ADGRB3: variants seen among roughly 807,000 people sequenced by gnomAD.
ADGRB3 encodes the protein brain-specific angiogenesis inhibitor 3.
A neutral mutation model predicts 193.4 loss-of-function variants in ADGRB3; 37 were observed. That is an observed-to-expected ratio of 0.19 (90% CI 0.15 to 0.25). ADGRB3 has a LOEUF of 0.25. ADGRB3 is among the 10% of genes least tolerant of loss of function. The pLI is 1.00. For synonymous variants in ADGRB3, 690 were observed against 644.2 expected, an observed-to-expected ratio of 1.07 and a Z score of -1.08; for missense variants, 1,637 against 1,852.9, an observed-to-expected ratio of 0.88 and a Z score of 2.14.
rs548557974 is a variant in ADGRB3 at position 68,926,281 on chromosome 6, A to G, written c.758-4278A>G. ...TCTGCTAGGAAGAGTAAGACAATCT[A>G]ATAATTATAATGAAAGTCCATTTTT... On this transcript the variant is annotated intron_variant, in intron 3 of 31. Coordinates refer to ENST00000370598, the MANE Select transcript of ADGRB3 (RefSeq NM_001704.3). Among the ~76,000 whole-genome samples the G allele has an allele frequency of 1.4e-4, 22 of 152,248 alleles. No homozygotes were observed. In the South Asian group the frequency reaches 3.3e-3, roughly 23 times the overall value.
At chr6:69,331,313 C>T (rs949211044) in intron 23 of ADGRB3, among the ~76,000 whole-genome samples, 2 of 152,210 alleles carry the variant, frequency 1.3e-5, no homozygotes, top group South Asian at 4.1e-4. Context: ...TTCTCTTTCT[C>T]CTTTTGGATT....
chr6:69,011,595 A>G (rs1720895945), intron 11 of ADGRB3, among the ~76,000 whole-genome samples: 1 of 152,088 alleles, frequency 6.6e-6, no homozygotes, highest in Non-Finnish European at 1.5e-5. Context: ...CAATAAACCC[A>G]GGTAACACAC....
At chr6:68,793,818 C>T (rs1767154320) in intron 3 of ADGRB3, among the ~76,000 whole-genome samples, 1 of 152,136 alleles carries the variant, frequency 6.6e-6, no homozygotes, top group South Asian at 2.1e-4. Flanking sequence ...CATAAGCCAC[C>T]ACGCCCAGCG....
At chr6:68,664,765 A>C (rs988707699) in intron 3 of ADGRB3, among the ~76,000 whole-genome samples, 4 of 151,814 alleles carry the variant, frequency 2.6e-5, no homozygotes, top group African/African-American at 9.7e-5. Flanking sequence ...ATTTGAACCC[A>C]GGCTGTCTCC....
intron 10 of ADGRB3, among the ~76,000 whole-genome samples, chr6:68,991,765 A>G (rs34470831): frequency 0.035 from 5,329 of 152,218 alleles, 130 homozygotes; most frequent in Middle Eastern, 0.054. Flanking sequence ...AGCTTCTGCT[A>G]ATTATCTTAG....
chr6:68,872,093 A>G (rs1765476728), intron 3 of ADGRB3, among the ~76,000 whole-genome samples: 1 of 152,168 alleles, frequency 6.6e-6, no homozygotes, highest in African/African-American at 2.4e-5. Flanking sequence ...AAGTGTGTAA[A>G]CAGACATGTA....
chr6:68,823,805 TCTTC>T (rs1767790504), intron 3 of ADGRB3, among the ~76,000 whole-genome samples: 1 of 152,158 alleles, frequency 6.6e-6, no homozygotes, highest in Non-Finnish European at 1.5e-5. Flanking sequence ...GCATAAAAAT[TCTTC>T]CTTCAAGTTA....
At chr6:68,911,255 C>G (rs1219725599) in intron 3 of ADGRB3, among the ~76,000 whole-genome samples, 10 of 114,178 alleles carry the variant, frequency 8.8e-5, no homozygotes. Flanking sequence ...CATCACACAC[C>G]GGGGCCTGTT....
intron 15 of ADGRB3, among the ~76,000 whole-genome samples, chr6:69,050,507 T>C (rs903469351): frequency 1.3e-5 from 2 of 152,216 alleles, no homozygotes; most frequent in African/African-American, 2.4e-5. Context: ...TCTCAGCTTT[T>C]CCAGTGGTTT....
intron 3 of ADGRB3, among the ~76,000 whole-genome samples, chr6:68,688,651 T>C (rs965512081): frequency 1.3e-5 from 2 of 152,212 alleles, no homozygotes; most frequent in African/African-American, 4.8e-5. Flanking sequence ...ATCTCATTTG[T>C]GTAAATTTTA....
chr6:68,641,693 G>A (rs1768085465), intron 3 of ADGRB3, among the ~76,000 whole-genome samples: 2 of 152,090 alleles, frequency 1.3e-5, no homozygotes, highest in Non-Finnish European at 2.9e-5. Flanking sequence ...TGTAGGTGAT[G>A]TATTTGTTAA....
intron 30 of ADGRB3, among the ~76,000 whole-genome samples, chr6:69,378,999 T>C (rs1346081020): frequency 6.6e-6 from 1 of 152,058 alleles, no homozygotes; most frequent in East Asian, 1.9e-4. Flanking sequence ...TGAAATAAGC[T>C]ACTCAGGAAA....
chr6:69,172,379 C>T (rs916942731), intron 17 of ADGRB3, among the ~76,000 whole-genome samples: 4 of 151,796 alleles, frequency 2.6e-5, no homozygotes, highest in Non-Finnish European at 4.4e-5. Flanking sequence ...CGCAGTGGCT[C>T]ACGCCTGTAA....
intron 3 of ADGRB3, among the ~76,000 whole-genome samples, chr6:68,773,856 G>A (rs117315695): frequency 1.3e-5 from 2 of 151,978 alleles, no homozygotes; most frequent in South Asian, 2.1e-4. Context: ...AAGAAGAAAG[G>A]CTCCTTGAGA....
At chr6:68,664,894 T>A (rs1768761385) in intron 3 of ADGRB3, among the ~76,000 whole-genome samples, 1 of 151,704 alleles carries the variant, frequency 6.6e-6, no homozygotes, top group South Asian at 2.1e-4. Flanking sequence ...TGACAGTGAG[T>A]GGACTGCAGC....
intron 15 of ADGRB3, among the ~76,000 whole-genome samples, chr6:69,058,022 T>G (rs1274548185): frequency 6.6e-6 from 1 of 151,992 alleles, no homozygotes; most frequent in Non-Finnish European, 1.5e-5. Context: ...TGTTTATTCT[T>G]CTTTAAATGT....
At chr6:69,254,610 A>G (rs1766709243) in intron 20 of ADGRB3, among the ~76,000 whole-genome samples, 1 of 152,084 alleles carries the variant, frequency 6.6e-6, no homozygotes, top group African/African-American at 2.4e-5. Context: ...TCGAAGCTAT[A>G]AATCTTCCAA....
intron 3 of ADGRB3, among the ~76,000 whole-genome samples, chr6:68,719,467 C>T (rs1018349201): frequency 2.0e-5 from 3 of 151,712 alleles, no homozygotes; most frequent in Non-Finnish European, 2.9e-5. Context: ...AAACGAACAG[C>T]ATACAATGAG....
At chr6:68,999,901 A>T (rs1282145613) in intron 11 of ADGRB3, among the ~76,000 whole-genome samples, 1 of 152,194 alleles carries the variant, frequency 6.6e-6, no homozygotes, top group Non-Finnish European at 1.5e-5. Flanking sequence ...ATGTTTGAGG[A>T]ACTTACATTG....
Sources: gnomAD v4.1 joint callset for allele counts (sites outside exome capture counted in the v4.1 genomes callset) on GRCh38, gnomAD v4.1.1 for gene constraint, MANE v1.5 for transcripts, NCBI Gene and HGNC (gene_info 2026-07-23, HGNC 2026-07-21) for gene names.